The following RASGRP3 variants were observed in gnomAD, a reference collection of about 807,000 sequenced individuals.
RASGRP3 encodes the protein RAS guanyl releasing protein 3.
A neutral mutation model predicts 82.7 loss-of-function variants in RASGRP3; 54 were observed. That is an observed-to-expected ratio of 0.65 (90% CI 0.52 to 0.82). RASGRP3 has a LOEUF of 0.82. RASGRP3 is among the 40% of genes least tolerant of loss of function. The probability of loss-of-function intolerance (pLI) is 0.00; values close to 1 mark genes in which losing one functional copy is unlikely to be tolerated. For synonymous variants in RASGRP3, 309 were observed against 300.5 expected (o/e 1.03, Z -0.29); for missense variants, 861 against 828.9 (o/e 1.04, Z -0.48).
intron 2 of RASGRP3, among the ~76,000 whole-genome samples, chr2:33,469,796 GCTTTTA>G (rs1666950416): frequency 2.0e-5 from 3 of 152,180 alleles, no homozygotes; most frequent in Non-Finnish European, 4.4e-5. Context: ...AGTCTAACAT[GCTTTTA>G]CTTTGTGTAT....
chr2:33,520,943 C>T (rs1671973562), intron 6 of RASGRP3, among the ~76,000 whole-genome samples: 1 of 152,198 alleles, frequency 6.6e-6, no homozygotes, highest in African/African-American at 2.4e-5. Context: ...CAAGATAGCA[C>T]ATGAAAGGAT....
intron 1 of RASGRP3, among the ~76,000 whole-genome samples, chr2:33,478,057 T>C (rs1243909770): frequency 1.3e-5 from 2 of 152,090 alleles, no homozygotes. Context: ...CATCCTTTGT[T>C]GTTTGTGGAG....
chr2:33,554,062 T>G (rs1055540992), intron 14 of RASGRP3, among the ~76,000 whole-genome samples: 12 of 152,188 alleles, frequency 7.9e-5, no homozygotes, highest in African/African-American at 2.9e-4. Context: ...ATATGTATTC[T>G]GAAGGACCAA....
At chr2:33,561,579 T>C (rs1049467525) in intron 17 of RASGRP3, among the ~76,000 whole-genome samples, 10 of 152,088 alleles carry the variant, frequency 6.6e-5, no homozygotes, top group Non-Finnish European at 1.2e-4. Flanking sequence ...TACCCAGCGG[T>C]TGAATATGTA....
intron 14 of RASGRP3, among the ~76,000 whole-genome samples, chr2:33,551,798 C>T (rs1323118635): frequency 6.6e-6 from 1 of 152,116 alleles, no homozygotes; most frequent in African/African-American, 2.4e-5. Context: ...TCGAGACCAT[C>T]CTGGCTAACA....
intron 1 of RASGRP3, among the ~76,000 whole-genome samples, chr2:33,444,977 G>T (rs1251414947): frequency 4.6e-5 from 7 of 152,120 alleles, no homozygotes; most frequent in Non-Finnish European, 8.8e-5. Context: ...TTAGTACAAA[G>T]AAATAAATCT....
chr2:33,514,966 G>T, intron 2 of RASGRP3, 44 bp from the exon 3 acceptor site: 1 of 623,326 alleles, frequency 1.6e-6, no homozygotes, highest in East Asian at 2.8e-5. Context: ...AGTGGGGTCT[G>T]AACTCTAGTC....
intron 1 of RASGRP3, among the ~76,000 whole-genome samples, chr2:33,507,678 A>G (rs1201041096): frequency 6.6e-6 from 1 of 152,154 alleles, no homozygotes; most frequent in East Asian, 1.9e-4. Context: ...GGCATGTGCC[A>G]CCACGCCTGG....
chr2:33,556,506 C>A (rs1392286750), intron 15 of RASGRP3, among the ~76,000 whole-genome samples: 1 of 88,472 alleles, frequency 1.1e-5, no homozygotes. Context: ...CTCGGCCTCC[C>A]AAAGTGCTGG....
chr2:33,474,782 C>A (rs2150922209), upstream of RASGRP3, among the ~76,000 whole-genome samples: 1 of 152,324 alleles, frequency 6.6e-6, no homozygotes, highest in Non-Finnish European at 1.5e-5. Context: ...CCTGCAGAAC[C>A]ATGAACCAAT....
At chr2:33,442,319 G>A (rs141896975) in intron 1 of RASGRP3, among the ~76,000 whole-genome samples, 6 of 152,282 alleles carry the variant, frequency 3.9e-5, no homozygotes, top group African/African-American at 1.4e-4. Flanking sequence ...AGCCAAGATC[G>A]CGCCGCTGCA....
In RASGRP3 at chr2:33,542,048, G is replaced by A. The variant is rs772670947; in HGVS notation, c.1279-1464G>A. ...TTGATTCTAGGAGTTTGAGGCTGCA[G>A]TGAGCTATGATCATGCCACTGCACT... On this transcript the variant is annotated intron_variant, in intron 12 of 17. Transcript: ENST00000403687. Among the ~76,000 whole-genome samples the A allele has an allele frequency of 1.1e-4, 16 of 146,814 alleles. 2 individuals are homozygous for A. Among genetic ancestry groups the A allele is most frequent in the Non-Finnish European group, 2.3e-4 (15 of 65,692 alleles).
At chr2:33,467,858 A>G (rs1034723733) in intron 2 of RASGRP3, among the ~76,000 whole-genome samples, 1 of 152,188 alleles carries the variant, frequency 6.6e-6, no homozygotes, top group African/African-American at 2.4e-5. Flanking sequence ...GCAAGACCAC[A>G]CTTCCGCCCT....
In RASGRP3 at chr2:33,559,030, G is replaced by GGTAA. The variant is rs1558530367; in HGVS notation, c.2064+3_2064+6dup. 1.1e-5 allele frequency: 17 copies of GGTAA among 1,597,856 alleles called. No homozygotes were observed. Among genetic ancestry groups the GGTAA allele is most frequent in the Non-Finnish European group, 1.4e-5 (17 of 1,173,276 alleles). Reference sequence around the variant, plus strand: ...GAGAAGAGACCAGACAGGATGGTGAGGTAAGTGCTAGGTCAACCCACAAAG... The same window carrying GGTAA: ...GAGAAGAGACCAGACAGGATGGTGAGGTAAGTAAGTGCTAGGTCAACCCACAAAG... On this transcript the variant is annotated frameshift_variant and splice_region_variant. Transcript: ENST00000403687. LOFTEE classifies it high-confidence loss of function.
chr2:33,490,825 A>G (rs1041472127), intron 1 of RASGRP3, among the ~76,000 whole-genome samples: 5 of 152,230 alleles, frequency 3.3e-5, no homozygotes, highest in Admixed American at 2.0e-4. Flanking sequence ...AGATCCACAC[A>G]TAGAGTTTCT....
chr2:33,533,287 A>G (rs1262074508), intron 10 of RASGRP3: 1 of 152,204 alleles, frequency 6.6e-6, no homozygotes, highest in Non-Finnish European at 1.5e-5. Context: ...CTTGCCTACA[A>G]TGATCTTCCT....
chr2:33,470,484 A>G (rs1054677838), intron 2 of RASGRP3, among the ~76,000 whole-genome samples: 2 of 150,038 alleles, frequency 1.3e-5, no homozygotes, highest in African/African-American at 4.9e-5. Context: ...GGTTCACGCC[A>G]TTTTCCTGCC....
At chr2:33,489,307 T>C (rs1202673181) in intron 1 of RASGRP3, among the ~76,000 whole-genome samples, 3 of 152,188 alleles carry the variant, frequency 2.0e-5, no homozygotes, top group South Asian at 4.1e-4. Flanking sequence ...CATTTTTGCT[T>C]GTCTGCTGCT....
At chr2:33,513,537 A>T (rs1423640421) in intron 2 of RASGRP3, among the ~76,000 whole-genome samples, 1 of 152,224 alleles carries the variant, frequency 6.6e-6, no homozygotes, top group Non-Finnish European at 1.5e-5. Context: ...AGAGTAAAAT[A>T]GACATTGACT....
Sources: allele counts gnomAD v4.1 joint callset (sites outside exome capture counted in the v4.1 genomes callset), GRCh38; gene constraint gnomAD v4.1.1; transcripts MANE v1.5; gene names NCBI Gene and HGNC (gene_info 2026-07-23, HGNC 2026-07-21).